Variants in RBFOX1 observed in about 807,000 individuals in gnomAD.
RBFOX1 encodes RNA binding protein fox-1 homolog 1.
Under a neutral mutation model 57.7 loss-of-function variants are expected in RBFOX1, and 8 were observed. The ratio of observed to expected loss-of-function variants is 0.14; its 90% CI spans 0.08 to 0.25. The LOEUF is 0.25. RBFOX1 is among the 10% of genes least tolerant of loss of function. RBFOX1 has a pLI of 1.00. For synonymous variants in RBFOX1, 326 were observed against 222.4 expected, an observed-to-expected ratio of 1.47 and a Z score of -4.15; for missense variants, 611 against 548.5, an observed-to-expected ratio of 1.11 and a Z score of -1.14.
At chr16:6,940,943 G>A (rs2078329230) in intron 3 of RBFOX1, among the ~76,000 whole-genome samples, 1 of 151,544 alleles carries the variant, frequency 6.6e-6, no homozygotes, top group Non-Finnish European at 1.5e-5. Context: ...TCCTGACCTC[G>A]TGATCCATCC....
chr16:6,801,612 G>C (rs182449406), intron 3 of RBFOX1, among the ~76,000 whole-genome samples: 1 of 152,126 alleles, frequency 6.6e-6, no homozygotes, highest in Admixed American at 6.5e-5. Context: ...GGAGACTCAT[G>C]TGTCCATCAG....
chr16:5,713,949 C>G (rs531543210), intron 3 of RBFOX1, among the ~76,000 whole-genome samples: 1 of 152,286 alleles, frequency 6.6e-6, no homozygotes, highest in African/African-American at 2.4e-5. Flanking sequence ...GGGAGATGTT[C>G]TAACAGAGCT....
At chr16:6,842,647 A>G (rs1244103666) in intron 3 of RBFOX1, among the ~76,000 whole-genome samples, 3 of 90,318 alleles carry the variant, frequency 3.3e-5, no homozygotes, top group African/African-American at 1.5e-4. Flanking sequence ...TTTTAAATCT[A>G]TTTGCTTTTT....
chr16:6,311,747 A>T (rs945789340), intron 1 of RBFOX1, among the ~76,000 whole-genome samples: 3 of 152,156 alleles, frequency 2.0e-5, no homozygotes, highest in African/African-American at 7.2e-5. Context: ...GCTTCCTGTT[A>T]TGTGGCTGGG....
chr16:5,388,248 T>A (rs78179552), intron 1 of RBFOX1, among the ~76,000 whole-genome samples: 5,906 of 152,188 alleles, frequency 0.039, 382 homozygotes, highest in African/African-American at 0.13. Context: ...TCACCGTGCT[T>A]CTAGAACACA....
chr16:5,324,827 A>G (rs1361192199), intron 1 of RBFOX1, among the ~76,000 whole-genome samples: 1 of 152,136 alleles, frequency 6.6e-6, no homozygotes, highest in Non-Finnish European at 1.5e-5. Context: ...GGATAATGGG[A>G]GGGAAGGAAG....
At chr16:7,209,511 A>T (rs1200414527) in intron 4 of RBFOX1, among the ~76,000 whole-genome samples, 2 of 152,202 alleles carry the variant, frequency 1.3e-5, no homozygotes, top group Non-Finnish European at 2.9e-5. Context: ...CCAGCTTATT[A>T]CATGGCTGGC....
intron 4 of RBFOX1, among the ~76,000 whole-genome samples, chr16:7,320,674 T>C (rs2096529655): frequency 6.6e-6 from 1 of 152,352 alleles, no homozygotes; most frequent in Non-Finnish European, 1.5e-5. Flanking sequence ...CGGTAGTAAG[T>C]GAATCATCAT....
chr16:5,366,666 C>A, intron 1 of RBFOX1: 1 of 427,996 alleles, frequency 2.3e-6, no homozygotes, highest in South Asian at 1.9e-5. Context: ...TTCCCGATCT[C>A]TGGCAGTGGA....
chr16:5,888,259 C>T (rs544016778), intron 4 of RBFOX1, among the ~76,000 whole-genome samples: 26 of 152,340 alleles, frequency 1.7e-4, no homozygotes, highest in African/African-American at 6.0e-4. Context: ...CCTCTTCTTC[C>T]TGTGGGCCAC....
intron 2 of RBFOX1, among the ~76,000 whole-genome samples, chr16:6,390,162 CT>C (rs2092523145): frequency 6.6e-6 from 1 of 152,216 alleles, no homozygotes; most frequent in East Asian, 1.9e-4. Context: ...ATCCTTGGCA[CT>C]GTATGCGTGC....
chr16:7,085,377 G>A (rs1286012903), intron 4 of RBFOX1, among the ~76,000 whole-genome samples: 1 of 152,042 alleles, frequency 6.6e-6, no homozygotes, highest in African/African-American at 2.4e-5. Context: ...ATATATATGT[G>A]CAAGTTATTT....
intron 2 of RBFOX1, among the ~76,000 whole-genome samples, chr16:6,642,883 T>C (rs1006382412): frequency 6.6e-6 from 1 of 152,204 alleles, no homozygotes; most frequent in Admixed American, 6.5e-5. Flanking sequence ...AGGTAAACTT[T>C]ACTCCCTTGG....
intron 3 of RBFOX1, among the ~76,000 whole-genome samples, chr16:7,031,657 A>G (rs2042828985): frequency 6.6e-6 from 1 of 152,156 alleles, no homozygotes; most frequent in African/African-American, 2.4e-5. Flanking sequence ...GGCAGATGTG[A>G]TGAATAATTT....
intron 4 of RBFOX1, among the ~76,000 whole-genome samples, chr16:7,075,570 CT>C (rs556051184): frequency 6.6e-6 from 1 of 151,678 alleles, no homozygotes; most frequent in Admixed American, 6.6e-5. Context: ...TTTATTTTTT[CT>C]TTTTTTTATT....
rs571689405 is a variant in RBFOX1, at chr16:5,479,841, A to G, written c.258+12587A>G. On this transcript the variant is annotated intron_variant, in intron 2 of 2. Transcript: ENST00000585867. ...GACGTGTCCTTGGACTTCTTAAAAC[A>G]TTCCTTAAGCTCCAATTTGCTTCCT... Among the ~76,000 whole-genome samples the G allele has an allele frequency of 7.2e-5, 11 of 151,972 alleles. No homozygotes were observed. In the East Asian group the frequency reaches 9.7e-4, roughly 13 times the overall value.
chr16:5,966,879 T>C (rs896128185), intron 4 of RBFOX1, among the ~76,000 whole-genome samples: 8 of 151,384 alleles, frequency 5.3e-5, no homozygotes, highest in Admixed American at 4.6e-4. Flanking sequence ...CCAGTCACTA[T>C]CCTGTCCTCT....
chr16:6,621,761 A>G (rs2098235910), intron 2 of RBFOX1, among the ~76,000 whole-genome samples: 1 of 152,194 alleles, frequency 6.6e-6, no homozygotes, highest in South Asian at 2.1e-4. Flanking sequence ...CCTTTAGGCT[A>G]ATCACTGCAG....
chr16:5,307,589 T>C (rs570304807), intron 1 of RBFOX1, among the ~76,000 whole-genome samples: 2 of 152,212 alleles, frequency 1.3e-5, no homozygotes, highest in Non-Finnish European at 2.9e-5. Flanking sequence ...CACCAACACA[T>C]ACCTGATCTC....
Sources: gnomAD v4.1 joint callset for allele counts (sites outside exome capture counted in the v4.1 genomes callset) on GRCh38, gnomAD v4.1.1 for gene constraint, MANE v1.5 for transcripts, NCBI Gene and HGNC (gene_info 2026-07-23, HGNC 2026-07-21) for gene names.